Variants in NFAM1 observed in about 807,000 individuals in gnomAD.
NFAM1 encodes the protein NFAT activation molecule 1.
A neutral mutation model predicts 29.0 loss-of-function variants in NFAM1; 17 were observed. The ratio of observed to expected loss-of-function variants is 0.59; its 90% CI spans 0.40 to 0.88. The LOEUF is 0.88. Ranked by LOEUF, NFAM1 falls within the 40% of genes least tolerant of loss-of-function variation. The probability of loss-of-function intolerance (pLI) is 0.00; values close to 1 mark genes in which losing one functional copy is unlikely to be tolerated. For missense variants in NFAM1, 324 were observed against 344.6 expected (o/e 0.94, Z 0.47); for synonymous variants, 175 against 147.2 (o/e 1.19, Z -1.36).
chr22:42,428,654 T>G (rs1384989041), intron 1 of NFAM1, among the ~76,000 whole-genome samples: 1 of 152,136 alleles, frequency 6.6e-6, no homozygotes, highest in African/African-American at 2.4e-5. Context: ...CCCACCAGGC[T>G]GAGAGTGGGG....
intron 3 of NFAM1, among the ~76,000 whole-genome samples, chr22:42,403,819 G>A (rs78146053): frequency 0.028 from 4,302 of 152,278 alleles, 195 homozygotes; most frequent in African/African-American, 0.099. Context: ...TACAGATGAC[G>A]AGGGCAGAGG....
rs1486027569 is a variant in NFAM1 at position 42,388,521 on chromosome 22, T to C, written c.664-1443A>G. ...AGAGCAGAAGCCTTTCCTTCCTGAG[T>C]GTACGTGTCATATGGATGCCGGCTG... On this transcript the variant is annotated intron_variant, in intron 4 of 5. Coordinates refer to ENST00000329021, the MANE Select transcript of NFAM1 (RefSeq NM_145912.8). The surrounding 1 kb of genome is among the most constrained non-coding windows in gnomAD (Gnocchi z 4.1). 6.6e-6 allele frequency among the ~76,000 whole-genome samples: 1 copy of C among 151,644 alleles called. No homozygotes were observed. Among genetic ancestry groups the C allele is most frequent in the Non-Finnish European group, 1.5e-5 (1 of 67,900 alleles).
chr22:42,388,963 C>A lies in NFAM1; in HGVS notation c.664-1885G>T, dbSNP rs947774516. ...CGTGCCTGTCCGGAGCACCAGCCAC[C>A]CCAGCTGGTCTGGCACCCAGGATGG... On this transcript the variant is annotated intron_variant, in intron 4 of 5. Transcript: ENST00000329021. This position sits in a 1 kb window ranked among gnomAD's most constrained non-coding sequence, Gnocchi z 4.1. 6.6e-6 allele frequency among the ~76,000 whole-genome samples: 1 copy of A among 152,198 alleles called. No homozygotes were observed. The highest frequency in any genetic ancestry group is 1.5e-5 in the Non-Finnish European group (1 of 68,034).
At chr22:42,411,220 C>T (rs1930076427) in intron 2 of NFAM1, among the ~76,000 whole-genome samples, 187 bp downstream of exon 2, 1 of 151,992 alleles carries the variant, frequency 6.6e-6, no homozygotes, top group African/African-American at 2.4e-5. Flanking sequence ...GACGGGGTTT[C>T]ACCATGTTGG....
At position 42,411,396 on chromosome 22, in the gene NFAM1, G is replaced by A. The variant is rs201597670; in HGVS notation, c.451+11C>T. On this transcript the variant is annotated intron_variant, in intron 2 of 5. Transcript: ENST00000329021. ...TCCTTTGCCCTGGAAGAGCCACAGA[G>A]GAAGCCTTACCTCTGACCAGGATGA... The A allele has an allele frequency of 9.0e-4, 1,451 of 1,603,612 alleles. 10 individuals carry two copies. The highest frequency in any genetic ancestry group is 7.8e-3 in the South Asian group (701 of 90,388).
intron 3 of NFAM1, among the ~76,000 whole-genome samples, chr22:42,399,608 G>C (rs1425244410): frequency 6.6e-6 from 1 of 152,162 alleles, no homozygotes; most frequent in African/African-American, 2.4e-5. Flanking sequence ...GGGAGCGCCA[G>C]GGTCAGAGCT....
At chr22:42,436,115 C>T (rs974028817), upstream of NFAM1, among the ~76,000 whole-genome samples, 9 of 152,192 alleles carry the variant, frequency 5.9e-5, no homozygotes, top group East Asian at 1.9e-4. Context: ...CCACCGCACC[C>T]GGCCTCAATC....
chr22:42,424,347 A>G (rs10048888), intron 1 of NFAM1, among the ~76,000 whole-genome samples: 34,232 of 152,052 alleles, frequency 0.23, 4,503 homozygotes, highest in Admixed American at 0.38. Flanking sequence ...CCAGGGAGGC[A>G]GAGCTTGCGA....
chr22:42,425,000 C>A (rs1930578021), intron 1 of NFAM1, among the ~76,000 whole-genome samples: 1 of 152,006 alleles, frequency 6.6e-6, no homozygotes, highest in South Asian at 2.1e-4. Context: ...CGTCTCACAG[C>A]AAACTCTACC....
At position 42,411,297 on chromosome 22, in the gene NFAM1, G is replaced by A. The variant is rs1252860552; in HGVS notation, c.451+110C>T. On this transcript the variant is annotated intron_variant, in intron 2 of 5. Coordinates refer to ENST00000329021, the MANE Select transcript of NFAM1 (RefSeq NM_145912.8). ...CCTCAGCCTCCCAAAGTGCTGGGAT[G>A]TGTGAGCCACTGCGCCTGGCCCCAT... 3 of 820,522 alleles carry A rather than the reference G, an allele frequency of 3.7e-6. No individual in the cohort carries two copies. The Admixed American group carries it at 7.0e-5, about 19-fold the overall frequency. The allele number at this position is 820,522 out of a possible 1,614,324, so 50.8% of individuals were successfully genotyped here.
At chr22:42,415,116 G>C (rs951824904) in intron 1 of NFAM1, among the ~76,000 whole-genome samples, 1 of 152,018 alleles carries the variant, frequency 6.6e-6, no homozygotes, top group African/African-American at 2.4e-5. Context: ...AAAAAGTAAA[G>C]AGAGGAAGCC....
chr22:42,387,386 A>G (rs1405205413), intron 4 of NFAM1, among the ~76,000 whole-genome samples: 1 of 151,936 alleles, frequency 6.6e-6, no homozygotes, highest in Non-Finnish European at 1.5e-5. Context: ...AGAAAGGGCC[A>G]GGCCTCCTCC....
chr22:42,406,283 A>G (rs7291792), intron 3 of NFAM1, among the ~76,000 whole-genome samples: 4,264 of 152,212 alleles, frequency 0.028, 203 homozygotes, highest in African/African-American at 0.099. Flanking sequence ...GGCCACCCTG[A>G]TCCCGGCTCC....
intron 5 of NFAM1, among the ~76,000 whole-genome samples, chr22:42,386,094 G>C (rs1027808651): frequency 4.6e-5 from 7 of 152,138 alleles, no homozygotes; most frequent in Non-Finnish European, 1.0e-4. Flanking sequence ...GAAAGTATGG[G>C]CCGGGCGCGG....
intron 3 of NFAM1, among the ~76,000 whole-genome samples, chr22:42,408,865 C>A (rs1027156986): frequency 1.3e-5 from 2 of 152,226 alleles, no homozygotes; most frequent in Admixed American, 6.5e-5. Flanking sequence ...GACTGCAGTA[C>A]ACTTACTATG....
chr22:42,390,148 G>A (rs867244504), intron 4 of NFAM1, among the ~76,000 whole-genome samples: 2 of 152,124 alleles, frequency 1.3e-5, no homozygotes, highest in South Asian at 2.1e-4. Context: ...GGACAGAGCC[G>A]CCGGGTGGGT....
chr22:42,437,483 G>A, the NFAM1 span, among the ~76,000 whole-genome samples: 4 of 152,030 alleles, frequency 2.6e-5, no homozygotes, highest in African/African-American at 9.7e-5. Context: ...ATGTGCCAAG[G>A]TTCTGGGAGG....
intron 4 of NFAM1, among the ~76,000 whole-genome samples, chr22:42,396,255 A>G (rs987013334): frequency 1.3e-5 from 2 of 152,240 alleles, no homozygotes; most frequent in African/African-American, 4.8e-5. Context: ...GCTCTGCTCA[A>G]AAGAGCTCTT....
chr22:42,393,646 G>C (rs1315786286), intron 4 of NFAM1, among the ~76,000 whole-genome samples: 1 of 144,634 alleles, frequency 6.9e-6, no homozygotes, highest in East Asian at 2.0e-4. Flanking sequence ...TCGATCTCTT[G>C]ACCTCGTGAT....
Sources: allele counts gnomAD v4.1 joint callset (sites outside exome capture counted in the v4.1 genomes callset), GRCh38; gene constraint gnomAD v4.1.1; non-coding constraint Gnocchi (gnomAD v3.1); transcripts MANE v1.5; gene names NCBI Gene and HGNC (gene_info 2026-07-23, HGNC 2026-07-21).